STPG2: variants seen among roughly 807,000 people sequenced by gnomAD.
The protein encoded by STPG2 is sperm tail PG-rich repeat containing 2, also known as sperm-tail PG-rich repeat-containing protein 2.
In STPG2, 56 loss-of-function variants were observed where a neutral mutation model predicts 54.2. The observed-to-expected ratio is 1.03, with a 90% CI of 0.83 to 1.29. The LOEUF is 1.29. Among genes scored for constraint, STPG2 ranks in the 50% most tolerant of loss-of-function variants. STPG2 has a pLI of 0.00. For synonymous variants in STPG2, 200 were observed against 181.8 expected, an observed-to-expected ratio of 1.10 and a Z score of -0.81; for missense variants, 596 against 544.9, an observed-to-expected ratio of 1.09 and a Z score of -0.93.
In STPG2 at chr4:98,061,213, G is replaced by C. The variant is rs184703506; in HGVS notation, c.612+44740C>G. On this transcript the variant is annotated intron_variant, in intron 5 of 10. Coordinates refer to ENST00000295268, the MANE Select transcript of STPG2 (RefSeq NM_174952.3). Reference sequence around the variant, plus strand: ...TAGCATCTATAAGGATGCTGTATTAGTTTGTTCTCACACTGCTATAAAGAA... The same window carrying C: ...TAGCATCTATAAGGATGCTGTATTACTTTGTTCTCACACTGCTATAAAGAA... 4.2e-3 allele frequency among the ~76,000 whole-genome samples: 643 copies of C among 152,128 alleles called. 3 individuals carry two copies. The highest frequency in any genetic ancestry group is 0.024 in the South Asian group (117 of 4,822).
intron 10 of STPG2, among the ~76,000 whole-genome samples, chr4:97,628,737 A>AC (rs1454242487): frequency 6.6e-6 from 1 of 152,052 alleles, no homozygotes; most frequent in African/African-American, 2.4e-5. Flanking sequence ...CAAAAATAAA[A>AC]CCCCTCAGTC....
At chr4:97,854,530 G>A (rs1729270342) in intron 8 of STPG2, among the ~76,000 whole-genome samples, 1 of 148,500 alleles carries the variant, frequency 6.7e-6, no homozygotes, top group African/African-American at 2.5e-5. Context: ...CATTTATTTA[G>A]TTCTTTTTTT....
intron 8 of STPG2, among the ~76,000 whole-genome samples, chr4:97,885,890 T>C (rs1730549086): frequency 6.6e-6 from 1 of 152,002 alleles, no homozygotes; most frequent in African/African-American, 2.4e-5. Flanking sequence ...ATAAAAACTA[T>C]TTAAGAAGAG....
intron 8 of STPG2, among the ~76,000 whole-genome samples, chr4:97,845,841 C>T (rs1398797531): frequency 6.6e-6 from 1 of 152,184 alleles, no homozygotes; most frequent in Non-Finnish European, 1.5e-5. Flanking sequence ...ATTGAGATTA[C>T]AAGCTGTGTT....
At chr4:98,069,215 A>G (rs1737927118) in intron 5 of STPG2, among the ~76,000 whole-genome samples, 1 of 152,072 alleles carries the variant, frequency 6.6e-6, no homozygotes, top group Non-Finnish European at 1.5e-5. Flanking sequence ...TCTTCATAGG[A>G]GAATTTGGTG....
chr4:97,954,854 C>T (rs1733612886), intron 7 of STPG2, among the ~76,000 whole-genome samples: 1 of 151,812 alleles, frequency 6.6e-6, no homozygotes, highest in Admixed American at 6.6e-5. Flanking sequence ...AAACAGAAGG[C>T]ATGGTCAAAA....
intron 9 of STPG2, among the ~76,000 whole-genome samples, chr4:97,714,496 G>T (rs1470570228): frequency 6.6e-6 from 1 of 152,010 alleles, no homozygotes; most frequent in Non-Finnish European, 1.5e-5. Flanking sequence ...GTTCAATTAA[G>T]ATATAGCTAT....
At chr4:97,620,470 G>GT (rs957244565) in intron 10 of STPG2, among the ~76,000 whole-genome samples, 2 of 152,052 alleles carry the variant, frequency 1.3e-5, no homozygotes, top group Non-Finnish European at 2.9e-5. Context: ...CTTGAAGAAT[G>GT]TTTTTTTCAA....
chr4:97,683,079 GA>G (rs1242894142), intron 10 of STPG2, among the ~76,000 whole-genome samples: 1 of 151,704 alleles, frequency 6.6e-6, no homozygotes, highest in Non-Finnish European at 1.5e-5. Context: ...CTGGCAAAAA[GA>G]AAAAGAGATT....
intron 4 of STPG2, among the ~76,000 whole-genome samples, chr4:97,456,134 A>G (rs370253049): frequency 1.2e-4 from 19 of 152,358 alleles, no homozygotes; most frequent in African/African-American, 4.6e-4. Context: ...TGTAAAAGAC[A>G]TATTTGATTA....
intron 5 of STPG2, among the ~76,000 whole-genome samples, chr4:98,040,849 T>C (rs531812578): frequency 6.6e-6 from 1 of 151,916 alleles, no homozygotes; most frequent in Non-Finnish European, 1.5e-5. Flanking sequence ...TTTTTTCTAC[T>C]TCTGTGAAAA....
intron 9 of STPG2, among the ~76,000 whole-genome samples, chr4:97,761,004 G>T (rs1380352120): frequency 6.6e-6 from 1 of 152,038 alleles, no homozygotes; most frequent in Non-Finnish European, 1.5e-5. Flanking sequence ...CATCACTCTG[G>T]CTCTGACTCT....
At chr4:97,693,512 C>T (rs1174349760) in intron 10 of STPG2, among the ~76,000 whole-genome samples, 10 of 152,092 alleles carry the variant, frequency 6.6e-5, no homozygotes, top group Admixed American at 4.6e-4. Context: ...TGCACTAACA[C>T]TGGAGATCCC....
At chr4:97,991,606 C>A in intron 5 of STPG2, among the ~76,000 whole-genome samples, 1 of 151,900 alleles carries the variant, frequency 6.6e-6, no homozygotes. Context: ...TGATTTTCCT[C>A]TGGGTAGATA....
chr4:98,071,245 A>G (rs1237840984), intron 5 of STPG2, among the ~76,000 whole-genome samples: 1 of 152,142 alleles, frequency 6.6e-6, no homozygotes, highest in Non-Finnish European at 1.5e-5. Flanking sequence ...CGTAACAGAG[A>G]AGTCAGAAAT....
At chr4:97,964,472 A>G (rs1267725801) in intron 7 of STPG2, among the ~76,000 whole-genome samples, 1 of 152,220 alleles carries the variant, frequency 6.6e-6, no homozygotes, top group African/African-American at 2.4e-5. Context: ...TGATAAAAAA[A>G]GAATAAAAAT....
At chr4:97,560,691 C>T (rs1189583100) in intron 10 of STPG2, among the ~76,000 whole-genome samples, 1 of 152,014 alleles carries the variant, frequency 6.6e-6, no homozygotes, top group Non-Finnish European at 1.5e-5. Flanking sequence ...AAGCATGAAT[C>T]CAGAGATTCA....
rs1026640742 is a variant in STPG2 at position 97,535,489 on chromosome 4, A to G, written c.462+177210T>C. 1.2e-4 allele frequency among the ~76,000 whole-genome samples: 18 copies of G among 152,054 alleles called. 1 individual carries two copies. The highest frequency in any genetic ancestry group is 1.1e-3 in the Admixed American group (17 of 15,274). On this transcript the variant is annotated intron_variant, in intron 4 of 4. Transcript: ENST00000522676. ...ATTTGTCTTCAATGTCTTTTATTTC[A>G]TTTCCATTTTTGAAGGGTATTATCC...
intron 4 of STPG2, among the ~76,000 whole-genome samples, chr4:97,475,410 A>G (rs1730045612): frequency 1.3e-5 from 2 of 150,818 alleles, no homozygotes; most frequent in South Asian, 4.1e-4. Context: ...TACAATGTAT[A>G]ATGTATACAA....
Sources: gnomAD v4.1 joint callset for allele counts (sites outside exome capture counted in the v4.1 genomes callset) on GRCh38, gnomAD v4.1.1 for gene constraint, MANE v1.5 for transcripts, NCBI Gene and HGNC (gene_info 2026-07-23, HGNC 2026-07-21) for gene names.